ABRAXAS2: variants seen among roughly 807,000 people sequenced by gnomAD.
ABRAXAS2 encodes the protein BRISC complex subunit Abraxas 2.
Under a neutral mutation model 49.0 loss-of-function variants are expected in ABRAXAS2, and 23 were observed. The observed-to-expected ratio is 0.47, with a 90% CI of 0.34 to 0.66. ABRAXAS2 has a LOEUF of 0.66. Ranked by LOEUF, ABRAXAS2 falls within the 30% of genes least tolerant of loss-of-function variation. The probability of loss-of-function intolerance (pLI) is 0.01; values close to 1 mark genes in which losing one functional copy is unlikely to be tolerated. For missense variants in ABRAXAS2, 443 were observed against 511.9 expected (o/e 0.87, Z 1.30); for synonymous variants, 168 against 180.2 (o/e 0.93, Z 0.54).
At chr10:124,817,606 T>G (rs1346531340) in intron 3 of ABRAXAS2, among the ~76,000 whole-genome samples, 1 of 152,132 alleles carries the variant, frequency 6.6e-6, no homozygotes, top group Non-Finnish European at 1.5e-5. Flanking sequence ...GTTCCTTCCG[T>G]AACGCCAGCC....
At chr10:124,803,030 A>G (rs899317840) in intron 1 of ABRAXAS2, among the ~76,000 whole-genome samples, 1 of 152,216 alleles carries the variant, frequency 6.6e-6, no homozygotes, top group Admixed American at 6.5e-5. Flanking sequence ...TTTGAAGACT[A>G]TGGCCTAGGG....
chr10:124,817,872 A>G (rs1950835366), intron 3 of ABRAXAS2, among the ~76,000 whole-genome samples: 1 of 152,160 alleles, frequency 6.6e-6, no homozygotes, highest in Non-Finnish European at 1.5e-5. Context: ...TAAGCAAAAC[A>G]GGAATGGGGA....
intron 3 of ABRAXAS2, among the ~76,000 whole-genome samples, chr10:124,818,134 C>T (rs1950836899): frequency 6.6e-6 from 1 of 152,116 alleles, no homozygotes; most frequent in Non-Finnish European, 1.5e-5. Context: ...CGGTGGCTCA[C>T]GCCTGTAATC....
At chr10:124,822,413 ATCTAT>A (rs1402126881) in intron 4 of ABRAXAS2, among the ~76,000 whole-genome samples, 1 of 152,226 alleles carries the variant, frequency 6.6e-6, no homozygotes, top group Non-Finnish European at 1.5e-5. Context: ...GGGTGCAGGT[ATCTAT>A]TGATGAAGGA....
At chr10:124,831,226 A>G in intron 7 of ABRAXAS2, 123 bp from the exon 8 acceptor site, 1 of 668,974 alleles carries the variant, frequency 1.5e-6, no homozygotes, top group Non-Finnish European at 2.7e-6. Flanking sequence ...GTTCTACCTT[A>G]TGTGGCTGCT....
chr10:124,811,188 G>A (rs1232355913), intron 2 of ABRAXAS2, among the ~76,000 whole-genome samples: 1 of 151,846 alleles, frequency 6.6e-6, no homozygotes, highest in Non-Finnish European at 1.5e-5. Context: ...CTCCAGCCTG[G>A]GCGACAGAGC....
At chr10:124,814,179 T>C (rs999539416) in intron 2 of ABRAXAS2, among the ~76,000 whole-genome samples, 2 of 151,740 alleles carry the variant, frequency 1.3e-5, no homozygotes, top group Non-Finnish European at 2.9e-5. Context: ...TTAGTAGAGA[T>C]GGGGTTTCAC....
intron 3 of ABRAXAS2, among the ~76,000 whole-genome samples, chr10:124,818,670 A>G (rs1489936738): frequency 2.0e-5 from 3 of 152,144 alleles, no homozygotes; most frequent in Non-Finnish European, 4.4e-5. Context: ...GGAAAGAAGT[A>G]GAGGTGTGGC....
chr10:124,824,488 A>C (rs939364471), intron 4 of ABRAXAS2, among the ~76,000 whole-genome samples: 1 of 150,366 alleles, frequency 6.7e-6, no homozygotes, highest in African/African-American at 2.5e-5. Flanking sequence ...AGATCGCGCC[A>C]CTGCTCTCCA....
Position 124,836,483 on chromosome 10 carries a change from A to G in ABRAXAS2, c.*1512A>G, listed in dbSNP as rs1950969222. ...TATCTGCAAATGTGTTCCAGTTGTTATCAGCTACCTACTACGCAGCTTCAG... is the reference window on the plus strand; with the variant it reads ...TATCTGCAAATGTGTTCCAGTTGTTGTCAGCTACCTACTACGCAGCTTCAG... On this transcript the variant is annotated 3_prime_UTR_variant, in exon 9 of 9. Coordinates refer to ENST00000298492, the MANE Select transcript of ABRAXAS2 (RefSeq NM_032182.4). 6.6e-6 allele frequency: 1 copy of G among 152,360 alleles called. No individual in the cohort carries two copies. Among genetic ancestry groups the G allele is most frequent in the Non-Finnish European group, 1.5e-5 (1 of 68,038 alleles). The allele number at this position is 152,360 out of a possible 1,614,324, so 9.4% of individuals were successfully genotyped here.
intron 1 of ABRAXAS2, among the ~76,000 whole-genome samples, chr10:124,805,337 T>C (rs1950734647): frequency 7.3e-6 from 1 of 137,426 alleles, no homozygotes. Flanking sequence ...CGAGACTCCG[T>C]CTCAAAAAAA....
At chr10:124,821,880 A>G (rs917865310) in intron 4 of ABRAXAS2, among the ~76,000 whole-genome samples, 8 of 152,236 alleles carry the variant, frequency 5.3e-5, no homozygotes, top group African/African-American at 1.9e-4. Context: ...CAACAATACA[A>G]CAACCTGGAA....
chr10:124,814,095 G>T (rs186108541), intron 2 of ABRAXAS2, among the ~76,000 whole-genome samples: 1 of 151,942 alleles, frequency 6.6e-6, no homozygotes, highest in African/African-American at 2.4e-5. Context: ...AGTTTCAAGC[G>T]GTTCTCCTGC....
intron 2 of ABRAXAS2, among the ~76,000 whole-genome samples, chr10:124,807,375 G>A (rs899795676): frequency 9.0e-5 from 13 of 144,258 alleles, no homozygotes; most frequent in Admixed American, 5.6e-4. Context: ...AAATAAGGCC[G>A]GCCATGGTGG....
intron 5 of ABRAXAS2, among the ~76,000 whole-genome samples, chr10:124,827,091 C>CAA (rs74221364): frequency 2.4e-5 from 2 of 84,446 alleles, no homozygotes; most frequent in Non-Finnish European, 5.0e-5. Context: ...GAATCCATCT[C>CAA]AAAAAAAAAA....
Position 124,804,315 on chromosome 10 carries a change from T to C in ABRAXAS2, c.72+2414T>C, listed in dbSNP as rs1950725951. Among the ~76,000 whole-genome samples the C allele has an allele frequency of 3.9e-5, 6 of 152,208 alleles. No homozygotes were observed. In the South Asian group the frequency reaches 1.0e-3, roughly 26 times the overall value. ...TCAGTTAATTTGAATTTTAGATAAA[T>C]AGCAATTTATTTATAGTATAAGTAT... is the stretch of plus-strand genomic sequence containing the variant. On this transcript the variant is annotated intron_variant, in intron 1 of 8. Coordinates refer to ENST00000298492, the MANE Select transcript of ABRAXAS2 (RefSeq NM_032182.4).
Position 124,814,598 on chromosome 10 carries a change from C to T in ABRAXAS2, c.164-1978C>T, listed in dbSNP as rs1298337735. Among the ~76,000 whole-genome samples the T allele has an allele frequency of 2.0e-5, 3 of 152,186 alleles. No individual in the cohort carries two copies. The East Asian group carries it at 5.8e-4, about 29-fold the overall frequency. The stretch of plus-strand genomic sequence containing the variant: ...TCAGGTGATCCACCCGCCTTGGCCT[C>T]CCGAAGTGCTGGGATTACAGGTGTG... On this transcript the variant is annotated intron_variant, in intron 2 of 8. Transcript: ENST00000298492.
chr10:124,812,327 G>T (rs1950795581), intron 2 of ABRAXAS2, among the ~76,000 whole-genome samples: 1 of 152,184 alleles, frequency 6.6e-6, no homozygotes, highest in Non-Finnish European at 1.5e-5. Context: ...TATCTTAAAT[G>T]TGTTGTTCCC....
intron 2 of ABRAXAS2, among the ~76,000 whole-genome samples, chr10:124,809,276 T>C (rs1950769004): frequency 1.3e-5 from 2 of 151,738 alleles, no homozygotes; most frequent in African/African-American, 2.4e-5. Context: ...GGGACAAGGG[T>C]GTTTTATTTA....
Sources: gnomAD v4.1 joint callset for allele counts (sites outside exome capture counted in the v4.1 genomes callset) on GRCh38, gnomAD v4.1.1 for gene constraint, MANE v1.5 for transcripts, NCBI Gene and HGNC (gene_info 2026-07-23, HGNC 2026-07-21) for gene names.